Variants in TMEM117 observed in about 807,000 individuals in gnomAD.
TMEM117 encodes transmembrane protein 117.
In TMEM117, 27 loss-of-function variants were observed where a neutral mutation model predicts 52.4. The observed-to-expected ratio is 0.51, with a 90% CI of 0.38 to 0.71. TMEM117 has a LOEUF of 0.71. Ranked by LOEUF, TMEM117 falls within the 30% of genes least tolerant of loss-of-function variation. The pLI, the probability that TMEM117 is intolerant of heterozygous loss-of-function variation, is 0.00. For synonymous variants in TMEM117, 215 were observed against 206.3 expected (o/e 1.04, Z -0.36); for missense variants, 556 against 630.5 (o/e 0.88, Z 1.26).
Position 43,911,203 on chromosome 12 carries a change from C to A in TMEM117, c.278-33007C>A, listed in dbSNP as rs1944493882. 7.1e-5 allele frequency among the ~76,000 whole-genome samples: 3 copies of A among 42,288 alleles called. 1 individual carries two copies. The highest frequency in any genetic ancestry group is 1.3e-3 in the South Asian group (1 of 746). The allele number at this position is 42,288 out of a possible 152,430, so 27.7% of individuals were successfully genotyped here. ...CAGAAATAACGCCGCATATCTACAACTATCTGATCTTTGACAAACCTGACA... is the reference window on the plus strand; with the variant it reads ...CAGAAATAACGCCGCATATCTACAAATATCTGATCTTTGACAAACCTGACA... On this transcript the variant is annotated intron_variant, in intron 2 of 7. Coordinates refer to ENST00000266534, the MANE Select transcript of TMEM117 (RefSeq NM_032256.3).
In TMEM117 at chr12:44,025,900, CG is replaced by C. The variant is rs1474820740; in HGVS notation, c.410+81559del. Among the ~76,000 whole-genome samples, 412 of 150,678 alleles carry C rather than the reference CG, an allele frequency of 2.7e-3. 4 individuals are homozygous for C. Among genetic ancestry groups the C allele is most frequent in the African/African-American group, 9.6e-3 (389 of 40,392 alleles). On this transcript the variant is annotated intron_variant, in intron 3 of 7. Coordinates refer to ENST00000266534, the MANE Select transcript of TMEM117 (RefSeq NM_032256.3). Reference sequence around the variant, plus strand: ...TGGTATAATCAAAGAATTACCTATCCGCCCCCCCCACCCATAGAGGTATGTG... The same window carrying C: ...TGGTATAATCAAAGAATTACCTATCCCCCCCCCCACCCATAGAGGTATGTG...
At chr12:44,132,381 A>G (rs1948428745) in intron 3 of TMEM117, among the ~76,000 whole-genome samples, 1 of 152,000 alleles carries the variant, frequency 6.6e-6, no homozygotes, top group Non-Finnish European at 1.5e-5. Context: ...AGGTGGGGTG[A>G]AAGTCATTTC....
intron 3 of TMEM117, among the ~76,000 whole-genome samples, chr12:44,000,213 G>C (rs1235337137): frequency 6.6e-6 from 1 of 152,208 alleles, no homozygotes; most frequent in East Asian, 1.9e-4. Flanking sequence ...GAAGGAGAAA[G>C]TGGTGGAAGA....
intron 2 of TMEM117, among the ~76,000 whole-genome samples, chr12:43,863,022 C>T (rs1396756542): frequency 6.6e-6 from 1 of 151,988 alleles, no homozygotes; most frequent in Non-Finnish European, 1.5e-5. Flanking sequence ...TGGCCAGGCA[C>T]AGTGGCTCAC....
At chr12:44,342,924 G>A (rs1321215520) in intron 6 of TMEM117, among the ~76,000 whole-genome samples, 1 of 151,954 alleles carries the variant, frequency 6.6e-6, no homozygotes, top group Non-Finnish European at 1.5e-5. Flanking sequence ...GAATGAAGTG[G>A]CACAATCTCT....
the TMEM117 span, chr12:43,797,239 T>C: frequency 6.6e-7 from 1 of 1,506,050 alleles, no homozygotes; most frequent in Non-Finnish European, 9.0e-7. Flanking sequence ...TAAGTAAGAA[T>C]ATAGGGCTGA....
chr12:44,178,173 A>T (rs1259904803), intron 4 of TMEM117, among the ~76,000 whole-genome samples: 1 of 152,164 alleles, frequency 6.6e-6, no homozygotes, highest in Non-Finnish European at 1.5e-5. Context: ...TGTTTTAGAT[A>T]CACTGTTAAT....
chr12:44,261,741 T>A (rs1379092166), intron 5 of TMEM117, among the ~76,000 whole-genome samples: 4 of 152,170 alleles, frequency 2.6e-5, no homozygotes, highest in Non-Finnish European at 5.9e-5. Flanking sequence ...TAGTGGTAAA[T>A]TGAGAAGTAG....
intron 3 of TMEM117, among the ~76,000 whole-genome samples, chr12:44,060,464 C>G (rs981395629): frequency 5.4e-4 from 82 of 152,186 alleles, no homozygotes; most frequent in African/African-American, 1.9e-3. Context: ...AGAGTTTAAC[C>G]TAGTGTTTCT....
Position 44,346,403 on chromosome 12 carries a change from A to C in TMEM117, c.769-30192A>C, listed in dbSNP as rs1024517261. Among the ~76,000 whole-genome samples, 3 of 152,126 alleles carry C rather than the reference A, an allele frequency of 2.0e-5. No individual in the cohort carries two copies. In the East Asian group the frequency reaches 5.8e-4, roughly 29 times the overall value. On this transcript the variant is annotated intron_variant, in intron 6 of 7. Coordinates refer to ENST00000266534, the MANE Select transcript of TMEM117 (RefSeq NM_032256.3). ...TTTTCATCCTGCTTCAAAATATACA[A>C]TGTGGTTGCTCATAATCTCCTCCTC...
At chr12:44,191,883 CA>C (rs1203302488) in intron 4 of TMEM117, among the ~76,000 whole-genome samples, 3 of 151,476 alleles carry the variant, frequency 2.0e-5, no homozygotes, top group Non-Finnish European at 4.4e-5. Context: ...GTGTGCTGGT[CA>C]AAAAAACCTT....
At chr12:43,941,132 T>C (rs1945038040) in intron 2 of TMEM117, among the ~76,000 whole-genome samples, 1 of 152,222 alleles carries the variant, frequency 6.6e-6, no homozygotes, top group Non-Finnish European at 1.5e-5. Context: ...AGATGGATCT[T>C]ATTAATAACA....
intron 2 of TMEM117, among the ~76,000 whole-genome samples, chr12:43,888,940 C>T (rs1453350368): frequency 6.6e-6 from 1 of 151,986 alleles, no homozygotes; most frequent in East Asian, 1.9e-4. Flanking sequence ...ATTAAGTTGC[C>T]CAAGGTAATG....
rs184244630 is a variant in TMEM117, at chr12:44,228,552, A to C, written c.608+17165A>C. Among the ~76,000 whole-genome samples the C allele has an allele frequency of 4.0e-3, 608 of 152,294 alleles. 3 individuals are homozygous for C. The highest frequency in any genetic ancestry group is 0.014 in the Middle Eastern group (4 of 294). ...AATAAATCCCATAATGGCATATGTCATAAAGAAGATAAAGCAATGTGGTGA... is the reference window on the plus strand; with the variant it reads ...AATAAATCCCATAATGGCATATGTCCTAAAGAAGATAAAGCAATGTGGTGA... On this transcript the variant is annotated intron_variant, in intron 5 of 7. Transcript: ENST00000266534.
At chr12:43,812,007 G>C in the TMEM117 span, among the ~76,000 whole-genome samples, 1 of 151,802 alleles carries the variant, frequency 6.6e-6, no homozygotes, top group Non-Finnish European at 1.5e-5. Flanking sequence ...TATATCTTCT[G>C]AATTTCAGCA....
intron 3 of TMEM117, among the ~76,000 whole-genome samples, chr12:44,059,054 T>C (rs1947099512): frequency 6.6e-6 from 1 of 152,132 alleles, no homozygotes; most frequent in African/African-American, 2.4e-5. Flanking sequence ...CAACCTAGAT[T>C]GCTCACATGC....
rs1461825859 is a variant in TMEM117, at chr12:44,089,974, A to G, written c.411-53551A>G. 1.3e-5 allele frequency among the ~76,000 whole-genome samples: 2 copies of G among 152,340 alleles called. 1 individual carries two copies. Among genetic ancestry groups the G allele is most frequent in the Admixed American group, 1.3e-4 (2 of 15,302 alleles). ...TGCCAACCCATCTTCTAGAGCATCTATTGTGATTAGCAATACTTACCACAT... is the reference window on the plus strand; with the variant it reads ...TGCCAACCCATCTTCTAGAGCATCTGTTGTGATTAGCAATACTTACCACAT... On this transcript the variant is annotated intron_variant, in intron 3 of 7. Coordinates refer to ENST00000266534, the MANE Select transcript of TMEM117 (RefSeq NM_032256.3).
chr12:43,888,546 T>TTC (rs1555181212), intron 2 of TMEM117, among the ~76,000 whole-genome samples: 5,725 of 25,582 alleles, frequency 0.22, 84 homozygotes, highest in Middle Eastern at 0.52. Flanking sequence ...TAGTTTTCTT[T>TTC]TTTTTTTTTT....
At chr12:43,934,353 G>GTTT (rs1944917833) in intron 2 of TMEM117, among the ~76,000 whole-genome samples, 1 of 152,096 alleles carries the variant, frequency 6.6e-6, no homozygotes, top group Non-Finnish European at 1.5e-5. Flanking sequence ...TAAACTTGAG[G>GTTT]ATAGTTTAAT....
Sources: gnomAD v4.1 joint callset for allele counts (sites outside exome capture counted in the v4.1 genomes callset) on GRCh38, gnomAD v4.1.1 for gene constraint, MANE v1.5 for transcripts, NCBI Gene and HGNC (gene_info 2026-07-23, HGNC 2026-07-21) for gene names.